Variants in MTMR8 observed in about 807,000 individuals in gnomAD.
The protein encoded by MTMR8 is myotubularin related protein 8.
MTMR8 carries 65 observed loss-of-function variants against 39.3 expected under a neutral mutation model. The ratio of observed to expected loss-of-function variants is 1.65; its 90% CI spans 1.35 to 2.03. The LOEUF is 2.03. MTMR8 is among the 30% of genes most tolerant of loss of function. The probability of loss-of-function intolerance (pLI) is 0.00; values close to 1 mark genes in which losing one functional copy is unlikely to be tolerated. For synonymous variants in MTMR8, 245 were observed against 185.2 expected (o/e 1.32, Z -2.62); for missense variants, 777 against 538.9 (o/e 1.44, Z -4.37).
intron 12 of MTMR8, among the ~76,000 whole-genome samples, chrX:64,286,312 C>T (rs1035734942): frequency 7.2e-5 from 8 of 111,741 alleles, no homozygotes; most frequent in African/African-American, 2.6e-4. Flanking sequence ...GAAATTGAGG[C>T]AATAATTAAT....
intron 12 of MTMR8, among the ~76,000 whole-genome samples, chrX:64,283,702 C>A (rs1921045673): frequency 8.9e-6 from 1 of 112,306 alleles, no homozygotes; most frequent in Non-Finnish European, 1.9e-5. Flanking sequence ...CTGCTGATAC[C>A]CAGGCAAACA....
intron 1 of MTMR8, among the ~76,000 whole-genome samples, chrX:64,382,734 G>A (rs1361750268): frequency 4.3e-4 from 48 of 111,633 alleles, no homozygotes; most frequent in Non-Finnish European, 1.1e-4. Flanking sequence ...GATATTGGCT[G>A]TGGGTTTGTC....
chrX:64,319,023 C>T (rs763796097), intron 12 of MTMR8, among the ~76,000 whole-genome samples: 3 of 111,650 alleles, frequency 2.7e-5, no homozygotes, highest in Non-Finnish European at 5.6e-5. Context: ...GAATTTCTGG[C>T]ACTACAGTTG....
chrX:64,302,903 C>A (rs144710982), intron 12 of MTMR8, among the ~76,000 whole-genome samples: 1 of 112,190 alleles, frequency 8.9e-6, no homozygotes, highest in Admixed American at 9.4e-5. Context: ...ATGTCAGCTC[C>A]GTCTCCTTCA....
intron 10 of MTMR8, among the ~76,000 whole-genome samples, chrX:64,335,427 C>T (rs139565396): frequency 1.6e-4 from 18 of 111,968 alleles, no homozygotes; most frequent in South Asian, 7.5e-4. Flanking sequence ...CCACTGCACC[C>T]GGCCAAATCT....
At chrX:64,376,606 A>C (rs1375594812) in intron 1 of MTMR8, among the ~76,000 whole-genome samples, 3 of 112,356 alleles carry the variant, frequency 2.7e-5, no homozygotes, top group Non-Finnish European at 5.6e-5. Flanking sequence ...GCATACGCTC[A>C]TATATGTGAG....
chrX:64,395,224 C>G, intron 1 of MTMR8, 116 bp downstream of exon 1: 2 of 790,869 alleles, frequency 2.5e-6, no homozygotes, highest in Non-Finnish European at 3.8e-6. Flanking sequence ...CCGGGACCCC[C>G]CACAGGAAAG....
chrX:64,323,068 C>A (rs779378940), intron 12 of MTMR8, among the ~76,000 whole-genome samples: 1 of 112,188 alleles, frequency 8.9e-6, no homozygotes, highest in Non-Finnish European at 1.9e-5. Flanking sequence ...ATTTGGCCCC[C>A]GTGTGACAAT....
chrX:64,361,841 G>A (rs754006393), intron 1 of MTMR8, among the ~76,000 whole-genome samples: 7 of 110,696 alleles, frequency 6.3e-5, no homozygotes, highest in Non-Finnish European at 9.5e-5. Flanking sequence ...GAAAGGGGGC[G>A]TGGAATTAAG....
chrX:64,380,971 C>T (rs750937211), intron 1 of MTMR8, among the ~76,000 whole-genome samples: 1 of 112,321 alleles, frequency 8.9e-6, no homozygotes, highest in Admixed American at 9.5e-5. Flanking sequence ...ATATGTGCCA[C>T]ATTTTCTTAA....
At chrX:64,366,163 T>G (rs1010832942) in intron 1 of MTMR8, among the ~76,000 whole-genome samples, 1 of 111,312 alleles carries the variant, frequency 9.0e-6, no homozygotes. Context: ...GATGGGAGAC[T>G]TTAACACCCT....
intron 4 of MTMR8, among the ~76,000 whole-genome samples, chrX:64,350,766 G>A (rs1371760895): frequency 9.0e-6 from 1 of 111,046 alleles, no homozygotes; most frequent in East Asian, 2.8e-4. Flanking sequence ...TCTATGAAAA[G>A]ACTGACATAT....
chrX:64,356,642 C>T (rs763713590), intron 2 of MTMR8, among the ~76,000 whole-genome samples: 4 of 110,476 alleles, frequency 3.6e-5, no homozygotes, highest in Non-Finnish European at 7.6e-5. Context: ...TTTTAGCATG[C>T]TGTGATAGAG....
At chrX:64,269,134 G>A in intron 13 of MTMR8, 91 bp from the exon 14 acceptor site, 2 of 948,930 alleles carry the variant, frequency 2.1e-6, no homozygotes, top group South Asian at 4.8e-5. Context: ...TCCTATTGCT[G>A]TCACTTATAA....
intron 12 of MTMR8, among the ~76,000 whole-genome samples, chrX:64,286,930 C>A (rs1274167710): frequency 9.0e-6 from 1 of 111,571 alleles, no homozygotes; most frequent in African/African-American, 3.3e-5. Flanking sequence ...TCTCACCACT[C>A]CTATTCAACA....
intron 12 of MTMR8, chrX:64,305,892 G>T (rs147279191): frequency 5.2e-5 from 13 of 248,412 alleles, no homozygotes; most frequent in Admixed American, 3.7e-4. Flanking sequence ...GAGGCAGGAG[G>T]ATTCTTGAGT....
At chrX:64,276,314 G>A (rs1302309392) in intron 12 of MTMR8, among the ~76,000 whole-genome samples, 2 of 110,844 alleles carry the variant, frequency 1.8e-5, no homozygotes, top group African/African-American at 6.6e-5. Context: ...ATGTTAGGGT[G>A]TTGATCTAGT....
At chrX:64,362,445 A>G (rs767708317) in intron 1 of MTMR8, among the ~76,000 whole-genome samples, 6 of 100,020 alleles carry the variant, frequency 6.0e-5, no homozygotes, top group African/African-American at 1.5e-4. Flanking sequence ...CAACAACAAC[A>G]ACAAAAAACC....
intron 1 of MTMR8, among the ~76,000 whole-genome samples, chrX:64,382,508 T>C (rs1341170275): frequency 3.6e-5 from 4 of 111,504 alleles, no homozygotes; most frequent in Non-Finnish European, 7.5e-5. Context: ...TTTGGGCTGA[T>C]ATGATGGGGT....
Sources: gnomAD v4.1 joint callset for allele counts (sites outside exome capture counted in the v4.1 genomes callset) on GRCh38, gnomAD v4.1.1 for gene constraint, MANE v1.5 for transcripts, NCBI Gene and HGNC (gene_info 2026-07-23, HGNC 2026-07-21) for gene names.